SFMBT2: variants seen among roughly 807,000 people sequenced by gnomAD.
The protein encoded by SFMBT2 is scm-like with four MBT domains protein 2.
A neutral mutation model predicts 110.1 loss-of-function variants in SFMBT2; 38 were observed. The ratio of observed to expected loss-of-function variants is 0.35; its 90% CI spans 0.27 to 0.45. The LOEUF is 0.45. Among genes scored for constraint, SFMBT2 ranks in the 20% least tolerant of loss-of-function variants. SFMBT2 has a pLI of 1.00. For synonymous variants in SFMBT2, 425 were observed against 425.4 expected (o/e 1.00, Z 0.01); for missense variants, 1,011 against 1,094.9 (o/e 0.92, Z 1.08).
chr10:7,239,700 T>C (rs1588373491), intron 9 of SFMBT2, among the ~76,000 whole-genome samples: 1 of 152,248 alleles, frequency 6.6e-6, no homozygotes. Context: ...CTTTGATATA[T>C]TGACCATCTG....
intron 11 of SFMBT2, among the ~76,000 whole-genome samples, chr10:7,207,834 G>A (rs1450412613): frequency 6.6e-6 from 1 of 152,232 alleles, no homozygotes; most frequent in Non-Finnish European, 1.5e-5. Context: ...TATCTCAGGT[G>A]CTCTGAACAT....
intron 11 of SFMBT2, among the ~76,000 whole-genome samples, chr10:7,215,399 TCAAAA>T (rs1447545212): frequency 6.6e-6 from 1 of 152,196 alleles, no homozygotes; most frequent in Non-Finnish European, 1.5e-5. Flanking sequence ...AGACCCTGTC[TCAAAA>T]CAAAACAAAA....
In SFMBT2 at chr10:7,199,271, G is replaced by T. The variant is rs1588794674; in HGVS notation, c.1558+1143C>A. ...TGGAATTACAGGCATGAGCCACCAT[G>T]CTGGGCCAAAAGTTTCTTAATGTCT... is the stretch of plus-strand genomic sequence containing the variant. On this transcript the variant is annotated intron_variant, in intron 14 of 20. Transcript: ENST00000397167. 2.0e-5 allele frequency among the ~76,000 whole-genome samples: 3 copies of T among 152,268 alleles called. No homozygotes were observed. In the South Asian group the frequency reaches 6.2e-4, roughly 32 times the overall value.
chr10:7,361,503 A>G (rs1844717408), intron 4 of SFMBT2, among the ~76,000 whole-genome samples: 1 of 152,220 alleles, frequency 6.6e-6, no homozygotes, highest in South Asian at 2.1e-4. Context: ...CCAGGCTTTA[A>G]AACTTGGCAG....
In SFMBT2 at chr10:7,367,668, C is replaced by T. The variant is rs1310913600; in HGVS notation, c.417G>A (p.Lys139=). ...HPVGWCTQNN[K]VLMPPDAIKE... ...GCTCACCGTCCGGCGGCATCAACAC[C>T]TTGTTGTTCTGTGTGCACCACCCCA... The change falls in exon 4 of 21, where the codon AAG becomes AAA. Residue 139 remains lysine, a synonymous_variant. Coordinates refer to ENST00000397167, the MANE Select transcript of SFMBT2 (RefSeq NM_001387889.1). The surrounding 1 kb of genome is among the most constrained non-coding windows in gnomAD (Gnocchi z 6.2). 1.2e-6 allele frequency: 2 copies of T among 1,612,424 alleles called. No homozygotes were observed. The highest frequency in any genetic ancestry group is 2.7e-5 in the African/African-American group (2 of 74,880).
At chr10:7,268,071 G>C (rs1180405557) in intron 7 of SFMBT2, among the ~76,000 whole-genome samples, 1 of 152,182 alleles carries the variant, frequency 6.6e-6, no homozygotes, top group East Asian at 1.9e-4. Flanking sequence ...TCTCAGATAT[G>C]GAATACGATT....
chr10:7,321,040 T>C (rs1007435552), intron 4 of SFMBT2, among the ~76,000 whole-genome samples: 6 of 152,228 alleles, frequency 3.9e-5, no homozygotes, highest in Non-Finnish European at 7.3e-5. Context: ...TTTTAATTAA[T>C]AATGACATGG....
intron 9 of SFMBT2, among the ~76,000 whole-genome samples, chr10:7,237,465 C>T (rs565218834): frequency 1.5e-4 from 23 of 152,164 alleles, no homozygotes; most frequent in Middle Eastern, 3.4e-3. Context: ...TTTAATTTGA[C>T]GGTAATAAAA....
intron 1 of SFMBT2, among the ~76,000 whole-genome samples, chr10:7,405,077 T>C (rs930367294): frequency 6.6e-6 from 1 of 152,202 alleles, no homozygotes; most frequent in Non-Finnish European, 1.5e-5. Context: ...CCCAGAAATT[T>C]TTAGTCTAAC....
intron 4 of SFMBT2, among the ~76,000 whole-genome samples, chr10:7,365,868 A>T (rs1178539510): frequency 6.6e-6 from 1 of 152,208 alleles, no homozygotes; most frequent in Non-Finnish European, 1.5e-5. Context: ...GATAAAAGAA[A>T]TGTTCTGGAA....
intron 9 of SFMBT2, among the ~76,000 whole-genome samples, chr10:7,240,091 A>G (rs1170064494): frequency 6.6e-6 from 1 of 152,184 alleles, no homozygotes; most frequent in African/African-American, 2.4e-5. Context: ...ATAGAAAAGA[A>G]AAAAAGATAA....
chr10:7,375,064 T>C (rs1185216971), intron 2 of SFMBT2, among the ~76,000 whole-genome samples: 4 of 152,208 alleles, frequency 2.6e-5, no homozygotes, highest in African/African-American at 7.2e-5. Context: ...GTGGGAAGTA[T>C]TTCCCCATGA....
intron 7 of SFMBT2, among the ~76,000 whole-genome samples, chr10:7,272,101 A>T (rs77405376): frequency 0.026 from 3,940 of 152,162 alleles, 180 homozygotes; most frequent in African/African-American, 0.09. Flanking sequence ...GCGAGTGAAA[A>T]ATCTCCCCAG....
At position 7,340,627 on chromosome 10, in the gene SFMBT2, G is replaced by A. The variant is rs1397745044; in HGVS notation, c.436+27022C>T. Among the ~76,000 whole-genome samples the A allele has an allele frequency of 5.7e-5, 8 of 140,004 alleles. No individual in the cohort carries two copies. The East Asian group carries it at 1.7e-3, about 30-fold the overall frequency. 91.8% of individuals were successfully genotyped at this position (140,004 alleles called of 152,430 possible). On this transcript the variant is annotated intron_variant, in intron 4 of 20. Transcript: ENST00000397167. ...ATGATGATCCTGCCAAAGCACTCCA[G>A]CCCGGGCAACAGAACAAGAACCTAT...
intron 4 of SFMBT2, among the ~76,000 whole-genome samples, chr10:7,297,798 C>T (rs1015447629): frequency 2.0e-5 from 3 of 152,190 alleles, no homozygotes; most frequent in Non-Finnish European, 4.4e-5. Context: ...CACTTCACGA[C>T]GACACACACA....
At chr10:7,246,574 CCAGGCGTGGTGG>C (rs1216413548) in intron 8 of SFMBT2, among the ~76,000 whole-genome samples, 8 of 151,950 alleles carry the variant, frequency 5.3e-5, no homozygotes, top group African/African-American at 1.9e-4. Context: ...CAAAATTTAG[CCAGGCGTGGTGG>C]CAGGCGCCTA....
At chr10:7,164,165 T>C (rs1357796157) in intron 20 of SFMBT2, 1 of 960,702 alleles carries the variant, frequency 1.0e-6, no homozygotes, top group Non-Finnish European at 1.2e-6. Context: ...GGCTGGAGGA[T>C]CGCTTGAGAC....
At chr10:7,298,787 A>G (rs902404707) in intron 4 of SFMBT2, among the ~76,000 whole-genome samples, 18 of 151,916 alleles carry the variant, frequency 1.2e-4, no homozygotes. Flanking sequence ...GTGTGTGTAT[A>G]TGTGTGTCTG....
intron 16 of SFMBT2, among the ~76,000 whole-genome samples, chr10:7,179,358 G>A (rs1969825): frequency 0.8 from 113,214 of 141,884 alleles, 47,153 homozygotes; most frequent in Non-Finnish European, 0.91. Context: ...CCACGTTGGG[G>A]CGGTTCTTGC....
Sources: allele counts gnomAD v4.1 joint callset (sites outside exome capture counted in the v4.1 genomes callset), GRCh38; gene constraint gnomAD v4.1.1; non-coding constraint Gnocchi (gnomAD v3.1); transcripts MANE v1.5; gene names NCBI Gene and HGNC (gene_info 2026-07-23, HGNC 2026-07-21).